Variants in PUS7L observed in about 807,000 individuals in gnomAD.
PUS7L encodes pseudouridine synthase 7 like.
A neutral mutation model predicts 51.1 loss-of-function variants in PUS7L; 49 were observed. That is an observed-to-expected ratio of 0.96 (90% CI 0.76 to 1.22). PUS7L has a LOEUF of 1.22. Ranked by LOEUF, PUS7L falls within the 50% of genes most tolerant of loss-of-function variation. The pLI, the probability that PUS7L is intolerant of heterozygous loss-of-function variation, is 0.00. For synonymous variants in PUS7L, 277 were observed against 276.2 expected (o/e 1.00, Z -0.03); for missense variants, 828 against 820.6 (o/e 1.01, Z -0.11).
rs999592081 is a variant in PUS7L, at chr12:43,736,552, T to C, written c.1554A>G (p.Ala518=). Residue 518 remains alanine, a synonymous_variant, in exon 7 of 9, where the codon GCA becomes GCG. Transcript: ENST00000344862. The stretch of plus-strand genomic sequence containing the variant: ...GCATGGAATGGGGTAAAGAGAACCA[T>C]GCCTGGATACAACCTTCCTCGGTCA... ...FGMTEEGCIQ[A]WFSLPHSMRI... 12 of 1,614,032 alleles carry C rather than the reference T, an allele frequency of 7.4e-6. No homozygotes were observed. The highest frequency in any genetic ancestry group is 2.2e-5 in the South Asian group (2 of 91,084).
At chr12:43,736,830 G>T in intron 6 of PUS7L, 169 bp from the exon 7 acceptor site, 1 of 509,124 alleles carries the variant, frequency 2.0e-6, no homozygotes, top group Non-Finnish European at 3.4e-6. Flanking sequence ...AAAATAATAA[G>T]CATAATATGG....
chr12:43,730,479 G>A lies in PUS7L; in HGVS notation c.2003C>T (p.Ser668Phe). 6.2e-7 allele frequency: 1 copy of A among 1,613,704 alleles called. No individual in the cohort carries two copies. The highest frequency in any genetic ancestry group is 2.2e-5 in the East Asian group (1 of 44,836). Reference protein sequence around the residue: ...DHDIDVKTKGSHIDETALSLL... With the variant: ...DHDIDVKTKGFHIDETALSLL... ...AGACAAAGCTGTTTCATCAATGTGGGAACCTTTCGTTTTGACATCAATGTC... is the reference window on the plus strand; with the variant it reads ...AGACAAAGCTGTTTCATCAATGTGGAAACCTTTCGTTTTGACATCAATGTC... Residue 668 changes from serine to phenylalanine, a missense_variant, in exon 9 of 9, where the codon TCC (serine) becomes TTC (phenylalanine). Ser to Phe is a radical substitution (Grantham distance 155). Transcript: ENST00000344862.
At chr12:43,753,873 T>C (rs1257656068) in intron 2 of PUS7L, among the ~76,000 whole-genome samples, 2 of 152,128 alleles carry the variant, frequency 1.3e-5, no homozygotes, top group African/African-American at 4.8e-5. Flanking sequence ...AGTTTTCAGG[T>C]TCCCTACCTT....
chr12:43,732,288 T>A (rs865919307), intron 7 of PUS7L, among the ~76,000 whole-genome samples: 81 of 151,306 alleles, frequency 5.4e-4, no homozygotes, highest in Middle Eastern at 3.4e-3. Flanking sequence ...TAAAAAAAAA[T>A]TTTTTTTTAT....
At position 43,754,917 on chromosome 12, in the gene PUS7L, GTATC is replaced by G. The variant is rs1938623913; in HGVS notation, c.325_328del (p.Asp109LeufsTer16). 1 of 1,613,732 alleles carries G rather than the reference GTATC, an allele frequency of 6.2e-7. No individual in the cohort carries two copies. Among genetic ancestry groups the G allele is most frequent in the African/African-American group, 1.3e-5 (1 of 74,916 alleles). ...ACATTTGGAAGTTCCATCAACGATA[GTATC>G]TTCCTTTTCTGAACCAGACTGATGA... On this transcript the variant is annotated frameshift_variant, in exon 2 of 9. Coordinates refer to ENST00000344862, the MANE Select transcript of PUS7L (RefSeq NM_031292.5). LOFTEE classifies it high-confidence loss of function.
intron 6 of PUS7L, among the ~76,000 whole-genome samples, chr12:43,737,811 C>T (rs1303008559): frequency 6.6e-6 from 1 of 152,018 alleles, no homozygotes; most frequent in Non-Finnish European, 1.5e-5. Context: ...CTGACTCAAG[C>T]CATACTCATA....
At position 43,724,495 on chromosome 12, in the gene PUS7L, A is replaced by G. The variant is rs1453029226; in HGVS notation, c.*5881T>C. 2 of 152,140 alleles carry G rather than the reference A, an allele frequency of 1.3e-5. No homozygotes were observed. The highest frequency in any genetic ancestry group is 3.8e-4 in the East Asian group (2 of 5,196). The allele number at this position is 152,140 out of a possible 1,614,324, so 9.4% of individuals were successfully genotyped here. On this transcript the variant is annotated 3_prime_UTR_variant, in exon 9 of 9. Transcript: ENST00000344862. The stretch of plus-strand genomic sequence containing the variant: ...CACCAGACATTGTTCTTAGTGTTTC[A>G]TAAGACTTGCTAAAATCAACTATCA...
At chr12:43,733,170 C>CCACA (rs150731095) in intron 7 of PUS7L, among the ~76,000 whole-genome samples, 49 of 151,036 alleles carry the variant, frequency 3.2e-4, no homozygotes, top group African/African-American at 6.6e-4. Context: ...TCCATCTTGC[C>CCACA]CACACACACA....
In PUS7L at chr12:43,721,248, T is replaced by C. The variant is rs1221180604; in HGVS notation, c.*9128A>G. On this transcript the variant is annotated 3_prime_UTR_variant, in exon 9 of 9. Transcript: ENST00000344862. ...GCCAGGTTAGACTCTCTTTACAATC[T>C]AGAGGAAGCTACTTAACTTCTTCAA... 6.6e-6 allele frequency: 1 copy of C among 152,166 alleles called. No homozygotes were observed. The highest frequency in any genetic ancestry group is 1.5e-5 in the Non-Finnish European group (1 of 68,014). 9.4% of individuals were successfully genotyped at this position (152,166 alleles called of 1,614,324 possible).
chr12:43,746,084 G>T lies in PUS7L; in HGVS notation c.1225C>A (p.Leu409Met). The change falls in exon 4 of 9, where the codon CTG becomes ATG. Residue 409 changes from leucine (L) to methionine (M), a missense_variant. Coordinates refer to ENST00000344862, the MANE Select transcript of PUS7L (RefSeq NM_031292.5). Reference sequence around the variant, plus strand: ...ATTGCTTCCATAATTCTCTCCCTCAGGTTTGCAGAATCATTTATTTGTTTT... The same window carrying T: ...ATTGCTTCCATAATTCTCTCCCTCATGTTTGCAGAATCATTTATTTGTTTT... ...LKKQINDSAN[L>M]RERIMEAIEN... The T allele has an allele frequency of 6.5e-7, 1 of 1,530,994 alleles. No homozygotes were observed. The highest frequency in any genetic ancestry group is 1.2e-5 in the South Asian group (1 of 85,252). 94.8% of individuals were successfully genotyped at this position (1,530,994 alleles called of 1,614,324 possible).
intron 5 of PUS7L, chr12:43,739,207 G>GATT (rs1241807546): frequency 6.6e-6 from 1 of 152,146 alleles, no homozygotes; most frequent in Non-Finnish European, 1.5e-5. Context: ...AAGCAAGAAA[G>GATT]ATTTTAAGTA....
chr12:43,724,805 C>T lies in PUS7L; in HGVS notation c.*5571G>A. ...ATTGGTATCATAATTACTGCTATGTCTATACTATTATTTATTTAATACCTT... is the reference window on the plus strand; with the variant it reads ...ATTGGTATCATAATTACTGCTATGTTTATACTATTATTTATTTAATACCTT... On this transcript the variant is annotated 3_prime_UTR_variant, in exon 9 of 9. Transcript: ENST00000344862. 1 of 152,252 alleles carries T rather than the reference C, an allele frequency of 6.6e-6. No individual in the cohort carries two copies. The highest frequency in any genetic ancestry group is 1.9e-4 in the East Asian group (1 of 5,186). 9.4% of individuals were successfully genotyped at this position (152,252 alleles called of 1,614,324 possible).
intron 5 of PUS7L, chr12:43,739,840 A>G (rs1431977311): frequency 2.0e-5 from 3 of 152,224 alleles, no homozygotes; most frequent in Non-Finnish European, 4.4e-5. Context: ...GGTTATATTG[A>G]GAGTACTATC....
intron 5 of PUS7L, 133 bp downstream of exon 5, chr12:43,742,324 C>A: frequency 1.6e-6 from 1 of 628,252 alleles, no homozygotes; most frequent in Non-Finnish European, 2.8e-6. Context: ...ACTAAATGTT[C>A]AGTAATGTAA....
intron 5 of PUS7L, among the ~76,000 whole-genome samples, chr12:43,740,217 A>C (rs958640464): frequency 6.6e-5 from 10 of 152,192 alleles, no homozygotes; most frequent in African/African-American, 2.4e-4. Flanking sequence ...ACTGGGATTT[A>C]TTTCTAAAGC....
At chr12:43,754,306 A>G in intron 2 of PUS7L, 30 bp downstream of exon 2, 1 of 1,433,394 alleles carries the variant, frequency 7.0e-7, no homozygotes, top group Non-Finnish European at 9.5e-7. Flanking sequence ...AAGCTTATCC[A>G]AGAAAATGGA....
chr12:43,736,602 A>G lies in PUS7L; in HGVS notation c.1504T>C (p.Leu502=). The part of the protein sequence containing the change: ...PEFKVRERAL[L]EALHRFGMTE... ...ATGCCAAAGCGGTGCAATGCCTCCA[A>G]CAATGCTCTCTCACGCACTTTGAAT... is the stretch of plus-strand genomic sequence containing the variant. Residue 502 remains leucine, a synonymous_variant, in exon 7 of 9, where the codon TTG becomes CTG. Transcript: ENST00000344862. 1 of 1,614,090 alleles carries G rather than the reference A, an allele frequency of 6.2e-7. No individual in the cohort carries two copies. Among genetic ancestry groups the G allele is most frequent in the Non-Finnish European group, 8.5e-7 (1 of 1,180,028 alleles).
chr12:43,738,599 G>A (rs1464931761), intron 5 of PUS7L, among the ~76,000 whole-genome samples: 2 of 151,904 alleles, frequency 1.3e-5, no homozygotes, highest in East Asian at 1.9e-4. Flanking sequence ...TTATATATAG[G>A]TTTAAAATAT....
At chr12:43,756,883 T>C (rs183386831) in intron 1 of PUS7L, among the ~76,000 whole-genome samples, 1 of 152,312 alleles carries the variant, frequency 6.6e-6, no homozygotes, top group Admixed American at 6.5e-5. Context: ...AATTAAATCA[T>C]ATCACAATCC....
Sources: gnomAD v4.1 joint callset for allele counts (sites outside exome capture counted in the v4.1 genomes callset) on GRCh38, gnomAD v4.1.1 for gene constraint, MANE v1.5 for transcripts, NCBI Gene and HGNC (gene_info 2026-07-23, HGNC 2026-07-21) for gene names.